The following ZNF616 variants were observed in gnomAD, a reference collection of about 807,000 sequenced individuals.
ZNF616 encodes zinc finger protein 616.
In ZNF616, 5 loss-of-function variants were observed where a neutral mutation model predicts 7.6. The observed-to-expected ratio is 0.66, with a 90% CI of 0.34 to 1.38. The LOEUF (loss-of-function observed/expected upper bound fraction) is 1.38, where lower values mean the gene tolerates loss of function less well. Among genes scored for constraint, ZNF616 ranks in the 40% most tolerant of loss-of-function variants. The probability of loss-of-function intolerance (pLI) is 0.04; values close to 1 mark genes in which losing one functional copy is unlikely to be tolerated. For missense variants in ZNF616, 913 were observed against 948.3 expected, an observed-to-expected ratio of 0.96 and a Z score of 0.49; for synonymous variants, 319 against 317.2, an observed-to-expected ratio of 1.01 and a Z score of -0.06.
chr19:52,135,484 C>T (rs1462167685), intron 1 of ZNF616, among the ~76,000 whole-genome samples: 1 of 152,096 alleles, frequency 6.6e-6, no homozygotes, highest in Non-Finnish European at 1.5e-5. Flanking sequence ...AACTTGCCGC[C>T]CAAAATACTC....
At chr19:52,119,824 T>G (rs545524280) in intron 3 of ZNF616, among the ~76,000 whole-genome samples, 1 of 152,328 alleles carries the variant, frequency 6.6e-6, no homozygotes, top group African/African-American at 2.4e-5. Context: ...TTATAATATA[T>G]GCTATGAATT....
chr19:52,114,948 T>C lies in ZNF616; in HGVS notation c.2216A>G (p.His739Arg), dbSNP rs780782538. ...LFSLSKHQRI[H>R]SGKKPYKCNE... is the part of the protein sequence containing the mutation. ...ACATTTATAAGGTTTTTTGCCAGAA[T>C]GAATTCTTTGGTGTTTGCTGAGGGA... The change falls in exon 4 of 4, where the codon CAT becomes CGT. Residue 739 changes from histidine to arginine, a missense_variant. Transcript: ENST00000600228. The C allele has an allele frequency of 4.3e-6, 7 of 1,614,054 alleles. No homozygotes were observed. The highest frequency in any genetic ancestry group is 5.9e-6 in the Non-Finnish European group (7 of 1,180,028).
intron 3 of ZNF616, among the ~76,000 whole-genome samples, chr19:52,117,688 G>A (rs2088836844): frequency 1.3e-5 from 2 of 152,004 alleles, no homozygotes; most frequent in African/African-American, 4.8e-5. Flanking sequence ...ATATATTCTA[G>A]AGACAGCATA....
chr19:52,126,034 GT>G (rs1255121194), intron 2 of ZNF616, among the ~76,000 whole-genome samples: 1 of 152,166 alleles, frequency 6.6e-6, no homozygotes, highest in Non-Finnish European at 1.5e-5. Context: ...ATCTAGGGTA[GT>G]TGATTGGAAT....
At chr19:52,130,616 T>C (rs902982519) in intron 1 of ZNF616, 28 bp from the exon 2 acceptor site, 4 of 1,497,468 alleles carry the variant, frequency 2.7e-6, no homozygotes, top group South Asian at 1.3e-5. Context: ...TGTTGTTTAA[T>C]GCTTGGAAAC....
At chr19:52,132,153 T>C (rs1381942491) in intron 1 of ZNF616, among the ~76,000 whole-genome samples, 1 of 152,198 alleles carries the variant, frequency 6.6e-6, no homozygotes, top group African/African-American at 2.4e-5. Context: ...AACCCTTCTA[T>C]ATAATGTCAT....
chr19:52,134,527 G>A (rs914755712), intron 1 of ZNF616, among the ~76,000 whole-genome samples: 16 of 152,146 alleles, frequency 1.1e-4, no homozygotes, highest in Admixed American at 7.9e-4. Context: ...GAAGTGAGCC[G>A]GGGAGGTCTT....
intron 3 of ZNF616, 134 bp from the exon 4 acceptor site, chr19:52,117,158 T>C: frequency 1.4e-6 from 1 of 690,210 alleles, no homozygotes; most frequent in Non-Finnish European, 2.2e-6. Flanking sequence ...ACCATGATCT[T>C]TTATTTTTAG....
At chr19:52,119,185 C>T (rs1029381757) in intron 3 of ZNF616, among the ~76,000 whole-genome samples, 58 of 151,776 alleles carry the variant, frequency 3.8e-4, no homozygotes, top group Non-Finnish European at 7.8e-4. Context: ...AAGACCAGCC[C>T]GGCCAAGATG....
rs573282532 is a variant in ZNF616 at position 52,116,402 on chromosome 19, T to C, written c.762A>G (p.Ser254=). The change falls in exon 4 of 4, where the codon TCA becomes TCG. Residue 254 remains serine, a synonymous_variant. Transcript: ENST00000600228. Reference sequence around the variant, plus strand: ...GACTCCTTTGGTGTCTTACAAAATATGAATTTTTTCTGAAGATCTTGCCAC... The same window carrying C: ...GACTCCTTTGGTGTCTTACAAAATACGAATTTTTTCTGAAGATCTTGCCAC... ...DVCGKIFRKN[S]YFVRHQRSHT... 1.4e-5 allele frequency: 23 copies of C among 1,614,024 alleles called. No homozygotes were observed. Among genetic ancestry groups the C allele is most frequent in the Non-Finnish European group, 8.5e-7 (1 of 1,180,026 alleles).
rs748496719 is a variant in ZNF616 at position 52,130,540 on chromosome 19, C to T, written c.-28G>A. The T allele has an allele frequency of 1.3e-4, 215 of 1,603,122 alleles. No homozygotes were observed. Among genetic ancestry groups the T allele is most frequent in the Non-Finnish European group, 1.7e-4 (197 of 1,176,000 alleles). ...CTGACTCCTTTTCCTTCCTCTTCTTCCTCTTCTGGGTTTCTTTCTCAGTCA... is the reference window on the plus strand; with the variant it reads ...CTGACTCCTTTTCCTTCCTCTTCTTTCTCTTCTGGGTTTCTTTCTCAGTCA... On this transcript the variant is annotated 5_prime_UTR_variant, in exon 2 of 4. Transcript: ENST00000600228.
In ZNF616 at chr19:52,115,411, C is replaced by A. The variant is rs2088810172; in HGVS notation, c.1753G>T (p.Val585Phe). The change falls in exon 4 of 4, where the codon GTC becomes TTC. Residue 585 changes from valine (V) to phenylalanine (F), a missense_variant. Physicochemically the swap from Val to Phe is conservative, Grantham distance 50. Transcript: ENST00000600228. The stretch of plus-strand genomic sequence containing the variant: ...ACAAGATGTGAATACTGACTGTAGA[C>A]CTTGCCGCATTCATTGCATTTGTAA... Reference protein sequence around the residue: ...KPYKCNECGKVYSQYSHLVGH... With the variant: ...KPYKCNECGKFYSQYSHLVGH... 2.5e-6 allele frequency: 4 copies of A among 1,614,018 alleles called. No individual in the cohort carries two copies. The East Asian group carries it at 8.9e-5, about 36-fold the overall frequency.
intron 2 of ZNF616, among the ~76,000 whole-genome samples, 171 bp downstream of exon 2, chr19:52,130,330 A>AT (rs1234575221): frequency 6.6e-5 from 10 of 152,166 alleles, no homozygotes; most frequent in African/African-American, 2.2e-4. Context: ...TGGAATCTAA[A>AT]TAAGATGAGA....
Position 52,115,936 on chromosome 19 carries a change from T to C in ZNF616, c.1228A>G (p.Lys410Glu). Residue 410 changes from lysine (K) to glutamate (E), a missense_variant, in exon 4 of 4, where the codon AAA becomes GAA. Transcript: ENST00000600228. ...RRIHTVEKPC[K>E]CNECGKVFSK... is the part of the protein sequence containing the mutation. ...AAGACCTTGCCACATTCATTGCATT[T>C]GCAAGGTTTCTCTACAGTGTGAATT... 1.2e-6 allele frequency: 2 copies of C among 1,614,216 alleles called. No individual in the cohort carries two copies. Among genetic ancestry groups the C allele is most frequent in the South Asian group, 2.2e-5 (2 of 91,078 alleles).
At position 52,116,330 on chromosome 19, in the gene ZNF616, A is replaced by G. The variant is rs2088823292; in HGVS notation, c.834T>C (p.Phe278=). 2 of 1,613,636 alleles carry G rather than the reference A, an allele frequency of 1.2e-6. No individual in the cohort carries two copies. The highest frequency in any genetic ancestry group is 1.7e-6 in the Non-Finnish European group (2 of 1,179,892). Residue 278 remains phenylalanine, a synonymous_variant, in exon 4 of 4, where the codon TTT becomes TTC. Coordinates refer to ENST00000600228, the MANE Select transcript of ZNF616 (RefSeq NM_178523.5). ...PYICNECGKS[F]SKSSHLAVHQ... ...GAACTGCAAGGTGGGAACTTTTACTAAAGGACTTGCCACATTCATTACATA... is the reference window on the plus strand; with the variant it reads ...GAACTGCAAGGTGGGAACTTTTACTGAAGGACTTGCCACATTCATTACATA...
chr19:52,135,120 TAG>T (rs1213021185), intron 1 of ZNF616, among the ~76,000 whole-genome samples: 1 of 152,138 alleles, frequency 6.6e-6, no homozygotes, highest in Non-Finnish European at 1.5e-5. Flanking sequence ...CTTTTGTCAC[TAG>T]AGTTTGAGGC....
intron 3 of ZNF616, among the ~76,000 whole-genome samples, chr19:52,117,410 T>C (rs967256014): frequency 5.3e-5 from 8 of 152,276 alleles, no homozygotes; most frequent in African/African-American, 1.9e-4. Context: ...ATTTACTGTG[T>C]ACAAACAAAT....
At chr19:52,121,819 T>A (rs950436544) in intron 3 of ZNF616, among the ~76,000 whole-genome samples, 2 of 152,108 alleles carry the variant, frequency 1.3e-5, no homozygotes, top group African/African-American at 2.4e-5. Flanking sequence ...AAGATGGATA[T>A]AGACTTAAAT....
chr19:52,116,447 T>C lies in ZNF616; in HGVS notation c.717A>G (p.Lys239=). ...TGCCACATACATCACATTGATATGA[T>C]TTCCCTCTTGTATGGACTACCTTGT... is the stretch of plus-strand genomic sequence containing the variant. The part of the protein sequence containing the change: ...TVHKVVHTRG[K]SYQCDVCGKI... Residue 239 remains lysine (K), a synonymous_variant, in exon 4 of 4, where the codon AAA becomes AAG. Coordinates refer to ENST00000600228, the MANE Select transcript of ZNF616 (RefSeq NM_178523.5). 6.2e-7 allele frequency: 1 copy of C among 1,614,156 alleles called. No individual in the cohort carries two copies. Among genetic ancestry groups the C allele is most frequent in the Non-Finnish European group, 8.5e-7 (1 of 1,180,016 alleles).
Sources: allele counts gnomAD v4.1 joint callset (sites outside exome capture counted in the v4.1 genomes callset), GRCh38; gene constraint gnomAD v4.1.1; transcripts MANE v1.5; gene names NCBI Gene and HGNC (gene_info 2026-07-23, HGNC 2026-07-21).